LRRC36: variants seen among roughly 807,000 people sequenced by gnomAD.
The protein encoded by LRRC36 is leucine rich repeat containing 36.
LRRC36 carries 62 observed loss-of-function variants against 81.1 expected under a neutral mutation model. The observed-to-expected ratio is 0.76, with a 90% confidence interval of 0.62 to 0.94. The LOEUF (loss-of-function observed/expected upper bound fraction) is 0.94, where lower values mean the gene tolerates loss of function less well. Among genes scored for constraint, LRRC36 ranks in the 40% least tolerant of loss-of-function variants. The probability of loss-of-function intolerance (pLI) is 0.00; values close to 1 mark genes in which losing one functional copy is unlikely to be tolerated. For synonymous variants in LRRC36, 334 were observed against 348.6 expected (o/e 0.96, Z 0.47); for missense variants, 761 against 881.7 (o/e 0.86, Z 1.73).
At chr16:67,383,891 A>G (rs552372492) in intron 13 of LRRC36, among the ~76,000 whole-genome samples, 6 of 152,326 alleles carry the variant, frequency 3.9e-5, no homozygotes, top group Middle Eastern at 3.4e-3. Context: ...TAATTATTAC[A>G]TAAGAAGACT....
intron 9 of LRRC36, 189 bp downstream of exon 9, chr16:67,371,431 C>T (rs2039635327): frequency 1.6e-6 from 1 of 634,044 alleles, no homozygotes; most frequent in Non-Finnish European, 2.8e-6. Context: ...AGTCATTCCC[C>T]CACTGCTGCC....
At chr16:67,378,794 A>T in intron 12 of LRRC36, 82 bp downstream of exon 12, 2 of 1,492,734 alleles carry the variant, frequency 1.3e-6, no homozygotes, top group East Asian at 4.8e-5. Context: ...AACCTTCATC[A>T]TGCTAGCTCA....
At chr16:67,337,784 A>C (rs1463761375) in intron 1 of LRRC36, among the ~76,000 whole-genome samples, 3 of 152,014 alleles carry the variant, frequency 2.0e-5, no homozygotes, top group African/African-American at 7.2e-5. Flanking sequence ...TTTGGGTCTC[A>C]AGATCCCTTT....
intron 2 of LRRC36, 62 bp downstream of exon 2, chr16:67,342,146 T>TA (rs1286420016): frequency 2.7e-5 from 34 of 1,241,838 alleles, no homozygotes; most frequent in Middle Eastern, 2.9e-4. Flanking sequence ...TGGGAAGAAA[T>TA]AAGAGATAGA....
At chr16:67,366,913 G>A (rs953297012) in intron 7 of LRRC36, 104 bp from the exon 8 acceptor site, 3 of 867,658 alleles carry the variant, frequency 3.5e-6, no homozygotes, top group African/African-American at 3.4e-5. Context: ...TTCCTGAGAG[G>A]TGTTTCTGGC....
rs533517669 is a variant in LRRC36, at chr16:67,343,692, C to CAA, written c.198+1621_198+1622dup. On this transcript the variant is annotated intron_variant, in intron 2 of 13. Coordinates refer to ENST00000329956, the MANE Select transcript of LRRC36 (RefSeq NM_018296.6). The stretch of plus-strand genomic sequence containing the variant: ...CCTGGGCAAAAGAGTGAGACCATCT[C>CAA]AAAAAAAAAAAAAATCAAGTTAACA... 2.8e-4 allele frequency among the ~76,000 whole-genome samples: 30 copies of CAA among 108,254 alleles called. 1 individual carries two copies. In the Middle Eastern group the frequency reaches 0.017, roughly 61 times the overall value. The allele number at this position is 108,254 out of a possible 152,430, so 71.0% of individuals were successfully genotyped here. A position where few individuals can be genotyped will look rare whatever the true frequency, so the allele number is the denominator to read the frequency against.
intron 5 of LRRC36, among the ~76,000 whole-genome samples, chr16:67,357,417 G>A (rs1228148840): frequency 1.3e-5 from 2 of 152,098 alleles, no homozygotes; most frequent in African/African-American, 4.8e-5. Context: ...GAAAAGAAAT[G>A]GTTTTGGAGA....
At chr16:67,378,541 A>C (rs2039996623) in intron 11 of LRRC36, 48 bp from the exon 12 acceptor site, 1 of 1,593,896 alleles carries the variant, frequency 6.3e-7, no homozygotes, top group African/African-American at 1.3e-5. Context: ...CACCCAGCCT[A>C]GAATGTCAGA....
chr16:67,345,790 T>C (rs971516146), intron 2 of LRRC36, among the ~76,000 whole-genome samples: 4 of 151,990 alleles, frequency 2.6e-5, no homozygotes, highest in African/African-American at 9.7e-5. Context: ...ACACTTTTTT[T>C]TTTTTAACCA....
rs1357240931 is a variant in LRRC36 at position 67,342,072 on chromosome 16, C to T, written c.186C>T (p.Ile62=). 1 of 1,606,012 alleles carries T rather than the reference C, an allele frequency of 6.2e-7. No homozygotes were observed. The highest frequency in any genetic ancestry group is 8.5e-7 in the Non-Finnish European group (1 of 1,174,680). Residue 62 remains isoleucine, a synonymous_variant, in exon 2 of 14, where the codon ATC becomes ATT. Coordinates refer to ENST00000329956, the MANE Select transcript of LRRC36 (RefSeq NM_018296.6). ...CCTTAGATTTATCAAGGAATTTGAT[C>T]ACTAGCCTTAAGGTAAGTTATATAT... ...LRSLDLSRNL[I]TSLKGIQYLC...
intron 1 of LRRC36, among the ~76,000 whole-genome samples, chr16:67,329,231 G>T (rs773014343): frequency 3.3e-5 from 5 of 151,820 alleles, no homozygotes; most frequent in Non-Finnish European, 7.4e-5. Flanking sequence ...TAAAAGCTAA[G>T]ATTACTTTAA....
intron 5 of LRRC36, among the ~76,000 whole-genome samples, chr16:67,359,640 A>AATATAATTAAATAT (rs1329224308): frequency 6.6e-5 from 10 of 152,170 alleles, no homozygotes; most frequent in Non-Finnish European, 1.3e-4. Flanking sequence ...ATTATATCTC[A>AATATAATTAAATAT]ATTAAAATAA....
At chr16:67,341,023 GTACTC>G (rs2038032600) in intron 1 of LRRC36, among the ~76,000 whole-genome samples, 1 of 102,326 alleles carries the variant, frequency 9.8e-6, no homozygotes, top group South Asian at 3.2e-4. Flanking sequence ...TATAGAATAT[GTACTC>G]TACATATTCT....
chr16:67,331,069 AAGAGAGAGAGAGAGAGAG>A lies in LRRC36; in HGVS notation c.70+4165_70+4182del, dbSNP rs71145966. Among the ~76,000 whole-genome samples, 59 of 118,636 alleles carry A rather than the reference AAGAGAGAGAGAGAGAGAG, an allele frequency of 5.0e-4. 1 individual carries two copies. The highest frequency in any genetic ancestry group is 4.0e-3 in the Middle Eastern group (1 of 248). The allele number at this position is 118,636 out of a possible 152,430, so 77.8% of individuals were successfully genotyped here. ...GTGCATGTGTGAGATGTGAGAGAGA[AAGAGAGAGAGAGAGAGAG>A]AGAGAGAGAGAGAGAGAGAGAGAGA... is the stretch of plus-strand genomic sequence containing the variant. On this transcript the variant is annotated intron_variant, in intron 1 of 13. Coordinates refer to ENST00000329956, the MANE Select transcript of LRRC36 (RefSeq NM_018296.6).
chr16:67,341,961 G>A lies in LRRC36; in HGVS notation c.75G>A (p.Leu25=). ...LGALTLEQPE[L]VESLSLQGSY... The stretch of plus-strand genomic sequence containing the variant: ...CTACTGATGATCTCTTTTCAGAACT[G>A]GTGGAGTCTCTTTCATTGCAGGGAT... The change falls in exon 2 of 14, where the codon CTG becomes CTA. Residue 25 remains leucine (L), a synonymous_variant. Transcript: ENST00000329956. 4 of 1,609,004 alleles carry A rather than the reference G, an allele frequency of 2.5e-6. No individual in the cohort carries two copies. The South Asian group carries it at 3.3e-5, about 13-fold the overall frequency.
At chr16:67,348,620 G>GCTCA (rs1275538786) in intron 4 of LRRC36, 1 of 152,026 alleles carries the variant, frequency 6.6e-6, no homozygotes. Context: ...CCACTGCCTA[G>GCTCA]CTCACCATTT....
In LRRC36 at chr16:67,367,431, C is replaced by T; in HGVS notation, c.1169C>T (p.Thr390Ile). 3 of 1,612,722 alleles carry T rather than the reference C, an allele frequency of 1.9e-6. No individual in the cohort carries two copies. The highest frequency in any genetic ancestry group is 2.5e-6 in the Non-Finnish European group (3 of 1,179,256). Residue 390 changes from threonine to isoleucine, a missense_variant, in exon 8 of 14, where the codon ACT (threonine) becomes ATT (isoleucine). Around this residue, in one of 3 missense-constraint regions of LRRC36, gnomAD observed 139 missense variants for 214.0 expected, o/e 0.65. Transcript: ENST00000329956. ...TCTCTGTCAAACCCTGACTCCAGCACTGGAAGGCTTTTGAAGCTTAGTTCA... is the reference window on the plus strand; with the variant it reads ...TCTCTGTCAAACCCTGACTCCAGCATTGGAAGGCTTTTGAAGCTTAGTTCA... Reference protein sequence around the residue: ...LTSLSNPDSSTGRLLKLSSDL... With the variant: ...LTSLSNPDSSIGRLLKLSSDL...
At chr16:67,351,740 G>A (rs2038649325) in intron 5 of LRRC36, among the ~76,000 whole-genome samples, 1 of 152,056 alleles carries the variant, frequency 6.6e-6, no homozygotes, top group South Asian at 2.1e-4. Flanking sequence ...ATAATGAGGT[G>A]TGACTTTAAT....
chr16:67,384,623 C>A (rs920944085), intron 13 of LRRC36, among the ~76,000 whole-genome samples: 2 of 152,202 alleles, frequency 1.3e-5, no homozygotes, highest in Non-Finnish European at 2.9e-5. Context: ...AAGAACAGAA[C>A]AACCGCTAGC....
Sources: gnomAD v4.1 joint callset for allele counts (sites outside exome capture counted in the v4.1 genomes callset) on GRCh38, gnomAD v4.1.1 for gene constraint, gnomAD v4.1.1 regional missense constraint, MANE v1.5 for transcripts, NCBI Gene and HGNC (gene_info 2026-07-23, HGNC 2026-07-21) for gene names.